Variants in EYS observed in about 807,000 individuals in gnomAD.
The protein encoded by EYS is EGF-like photoreceptor maintenance factor, also known as protein eyes shut homolog.
A neutral mutation model predicts 282.1 loss-of-function variants in EYS; 250 were observed. The ratio of observed to expected loss-of-function variants is 0.89; its 90% CI spans 0.80 to 0.98. The LOEUF (loss-of-function observed/expected upper bound fraction) is 0.98, where lower values mean the gene tolerates loss of function less well. Ranked by LOEUF, EYS falls within the 50% of genes least tolerant of loss-of-function variation. The pLI is 0.00. For synonymous variants in EYS, 1,355 were observed against 1,282.9 expected, an observed-to-expected ratio of 1.06 and a Z score of -1.20; for missense variants, 4,016 against 3,709.0, an observed-to-expected ratio of 1.08 and a Z score of -2.15.
At chr6:64,382,865 A>C (rs1772791921) in intron 29 of EYS, among the ~76,000 whole-genome samples, 1 of 152,196 alleles carries the variant, frequency 6.6e-6, no homozygotes, top group Non-Finnish European at 1.5e-5. Context: ...AGAGTAAAAA[A>C]TGGGAAGAGT....
rs1768355488 is a variant in EYS, at chr6:63,720,887, A to G, written c.9144T>C (p.Val3048=). 1 of 1,551,086 alleles carries G rather than the reference A, an allele frequency of 6.4e-7. No homozygotes were observed. The highest frequency in any genetic ancestry group is 1.2e-5 in the South Asian group (1 of 84,054). ...TGATAAGAGTCTGATTTTGAATTAC[A>G]ACTACATGGTGCCATTTATTACAAC... ...TFCCNKWHHV[V]VIQNQTLIKA... is the part of the protein sequence containing the mutation. The change falls in exon 43 of 43, where the codon GTT becomes GTC. Residue 3048 remains valine, a synonymous_variant. Transcript: ENST00000503581.
Position 64,083,166 on chromosome 6 carries a change from C to T in EYS, c.6425-1164G>A, listed in dbSNP as rs564655085. ...TCAAGCAATCTGCCCACCTTGGCCT[C>T]CCAAAGTGCTGGAATTACAGATGTG... is the stretch of plus-strand genomic sequence containing the variant. On this transcript the variant is annotated intron_variant, in intron 31 of 42. Coordinates refer to ENST00000503581, the MANE Select transcript of EYS (RefSeq NM_001142800.2). Among the ~76,000 whole-genome samples, 19 of 152,250 alleles carry T rather than the reference C, an allele frequency of 1.2e-4. No homozygotes were observed. The South Asian group carries it at 3.9e-3, about 32-fold the overall frequency.
intron 12 of EYS, among the ~76,000 whole-genome samples, chr6:65,171,194 T>A (rs1256575187): frequency 6.6e-6 from 1 of 151,500 alleles, no homozygotes; most frequent in Non-Finnish European, 1.5e-5. Flanking sequence ...ACCAGTTTCC[T>A]GAAAACACTG....
chr6:65,521,206 C>T (rs1310915537), intron 2 of EYS, among the ~76,000 whole-genome samples: 1 of 152,004 alleles, frequency 6.6e-6, no homozygotes, highest in African/African-American at 2.4e-5. Flanking sequence ...AGAGAATGAC[C>T]ATCTGCTCAA....
rs115940859 is a variant in EYS at position 65,141,781 on chromosome 6, G to A, written c.2024-84054C>T. 6.4e-3 allele frequency among the ~76,000 whole-genome samples: 978 copies of A among 152,048 alleles called. 14 individuals are homozygous for A. The highest frequency in any genetic ancestry group is 0.022 in the African/African-American group (919 of 41,486). ...TCAGAAGTTCGGGGGCAAGAGTGAA[G>A]TGGCACAAAATTTTCAAGGGTTGAA... On this transcript the variant is annotated intron_variant, in intron 12 of 42. Transcript: ENST00000503581.
intron 31 of EYS, among the ~76,000 whole-genome samples, chr6:64,158,492 A>C (rs533323437): frequency 1.9e-4 from 29 of 152,334 alleles, no homozygotes; most frequent in African/African-American, 7.0e-4. Flanking sequence ...GAAGACTCTC[A>C]GTGATATGCA....
At chr6:63,962,269 TAAAC>T (rs1300820716) in intron 35 of EYS, among the ~76,000 whole-genome samples, 3 of 152,078 alleles carry the variant, frequency 2.0e-5, no homozygotes, top group Non-Finnish European at 2.9e-5. Context: ...GGGATCTAAT[TAAAC>T]TAAAGAGCTT....
chr6:64,096,913 C>T (rs1417830854), intron 31 of EYS, among the ~76,000 whole-genome samples: 13 of 152,246 alleles, frequency 8.5e-5, no homozygotes, highest in Admixed American at 2.6e-4. Context: ...ATGATGGTGA[C>T]GTACAGATGG....
intron 31 of EYS, among the ~76,000 whole-genome samples, chr6:64,122,674 AAAT>A (rs1240356179): frequency 6.6e-6 from 1 of 152,178 alleles, no homozygotes. Flanking sequence ...TAAAAAAATG[AAAT>A]AATATTTTAA....
chr6:64,665,564 T>G (rs1318936431), intron 22 of EYS, among the ~76,000 whole-genome samples: 3 of 152,210 alleles, frequency 2.0e-5, no homozygotes, highest in African/African-American at 7.2e-5. Context: ...TGCATTTGTA[T>G]TATATTTAAA....
At chr6:64,655,920 A>T (rs1024306280) in intron 22 of EYS, among the ~76,000 whole-genome samples, 3 of 152,152 alleles carry the variant, frequency 2.0e-5, no homozygotes, top group African/African-American at 7.2e-5. Flanking sequence ...ACACCTAAAA[A>T]TATGTAAATT....
intron 22 of EYS, among the ~76,000 whole-genome samples, chr6:64,662,117 G>T (rs4034205): frequency 0.64 from 95,273 of 149,656 alleles, 30,409 homozygotes; most frequent in African/African-American, 0.71. Flanking sequence ...ATCATTCTCA[G>T]CAAACTATCA....
intron 5 of EYS, among the ~76,000 whole-genome samples, chr6:65,474,681 C>A (rs1765335249): frequency 6.6e-6 from 1 of 152,068 alleles, no homozygotes; most frequent in Non-Finnish European, 1.5e-5. Flanking sequence ...AATTCTAGCA[C>A]CCAGTCTTTG....
intron 22 of EYS, among the ~76,000 whole-genome samples, chr6:64,762,702 C>T (rs900482040): frequency 6.6e-6 from 1 of 152,082 alleles, no homozygotes; most frequent in African/African-American, 2.4e-5. Context: ...CACACACACT[C>T]ACAACCATGG....
chr6:64,763,399 G>T (rs1341612568), intron 22 of EYS, among the ~76,000 whole-genome samples: 1 of 152,102 alleles, frequency 6.6e-6, no homozygotes, highest in Non-Finnish European at 1.5e-5. Context: ...GAGAGACAGA[G>T]CAAGGGGAGA....
At chr6:64,866,346 T>C (rs1251116647) in intron 19 of EYS, among the ~76,000 whole-genome samples, 1 of 151,932 alleles carries the variant, frequency 6.6e-6, no homozygotes, top group Non-Finnish European at 1.5e-5. Flanking sequence ...AATTTGAATG[T>C]CTCTCTTAGA....
intron 7 of EYS, among the ~76,000 whole-genome samples, chr6:65,388,055 T>C (rs938081999): frequency 2.0e-5 from 3 of 152,056 alleles, no homozygotes; most frequent in Non-Finnish European, 4.4e-5. Flanking sequence ...TGTGTGGGCA[T>C]AGACAAATGT....
intron 2 of EYS, among the ~76,000 whole-genome samples, chr6:65,510,006 TTC>T (rs989173048): frequency 2.1e-4 from 32 of 151,810 alleles, no homozygotes; most frequent in African/African-American, 7.2e-4. Context: ...GGAGAAAATT[TTC>T]TTTTTTTTTT....
At chr6:65,511,582 T>A (rs903085505) in intron 2 of EYS, among the ~76,000 whole-genome samples, 37 of 152,284 alleles carry the variant, frequency 2.4e-4, no homozygotes, top group Middle Eastern at 3.4e-3. Flanking sequence ...TAAATTTTTT[T>A]AATTGTTATT....
Sources: allele counts gnomAD v4.1 joint callset (sites outside exome capture counted in the v4.1 genomes callset), GRCh38; gene constraint gnomAD v4.1.1; transcripts MANE v1.5; gene names NCBI Gene and HGNC (gene_info 2026-07-23, HGNC 2026-07-21).